PIGK: variants seen among roughly 807,000 people sequenced by gnomAD.
PIGK encodes phosphatidylinositol glycan anchor biosynthesis class K.
Under a neutral mutation model 50.6 loss-of-function variants are expected in PIGK, and 42 were observed. That is an observed-to-expected ratio of 0.83 (90% CI 0.65 to 1.07). The LOEUF is 1.07. PIGK is among the 50% of genes least tolerant of loss of function. PIGK has a pLI of 0.00. For missense variants in PIGK, 448 were observed against 488.7 expected (o/e 0.92, Z 0.78); for synonymous variants, 151 against 156.0 (o/e 0.97, Z 0.24).
intron 3 of PIGK, among the ~76,000 whole-genome samples, chr1:77,183,113 TG>T (rs1410371487): frequency 6.6e-6 from 1 of 152,174 alleles, no homozygotes; most frequent in Non-Finnish European, 1.5e-5. Flanking sequence ...GTGGCTGACC[TG>T]TAATGAAAAA....
At chr1:77,123,495 C>T (rs1339806471) in intron 9 of PIGK, among the ~76,000 whole-genome samples, 2 of 151,910 alleles carry the variant, frequency 1.3e-5, no homozygotes, top group Non-Finnish European at 2.9e-5. Flanking sequence ...TTGTGGATAT[C>T]TTGCAGAATT....
intron 9 of PIGK, among the ~76,000 whole-genome samples, chr1:77,132,725 T>G (rs1024422131): frequency 6.6e-6 from 1 of 152,070 alleles, no homozygotes; most frequent in Admixed American, 6.6e-5. Flanking sequence ...TAGTTTTATT[T>G]TATTTCAAGT....
At chr1:77,092,557 CAT>C in intron 10 of PIGK, 67 bp from the exon 11 acceptor site, 3 of 860,298 alleles carry the variant, frequency 3.5e-6, no homozygotes, top group Non-Finnish European at 5.7e-6. Context: ...ATAAAGCAAA[CAT>C]TGATGAAAAA....
At chr1:77,198,258 T>A (rs537584271) in intron 3 of PIGK, among the ~76,000 whole-genome samples, 4 of 152,198 alleles carry the variant, frequency 2.6e-5, no homozygotes, top group African/African-American at 9.6e-5. Flanking sequence ...TATAATATAA[T>A]CTCAATACCC....
chr1:77,119,687 A>C (rs1478426362), intron 10 of PIGK, among the ~76,000 whole-genome samples: 1 of 152,202 alleles, frequency 6.6e-6, no homozygotes, highest in Admixed American at 6.5e-5. Flanking sequence ...GAAATGACTG[A>C]TGCTCATTCC....
intron 3 of PIGK, among the ~76,000 whole-genome samples, chr1:77,193,188 A>G (rs1050942762): frequency 2.0e-5 from 3 of 152,020 alleles, no homozygotes; most frequent in Non-Finnish European, 4.4e-5. Context: ...AAGAGATATA[A>G]CATAACACAG....
At position 77,136,982 on chromosome 1, in the gene PIGK, C is replaced by G. The variant is rs189210617; in HGVS notation, c.987-14623G>C. Reference sequence around the variant, plus strand: ...TTACTCTTTCCTGTATCTATTCATACCTTTTTGAGATACAACTTTGTAGCT... The same window carrying G: ...TTACTCTTTCCTGTATCTATTCATAGCTTTTTGAGATACAACTTTGTAGCT... On this transcript the variant is annotated intron_variant, in intron 9 of 10. Coordinates refer to ENST00000370812, the MANE Select transcript of PIGK (RefSeq NM_005482.3). 6.6e-5 allele frequency among the ~76,000 whole-genome samples: 10 copies of G among 152,302 alleles called. No homozygotes were observed. The East Asian group carries it at 1.9e-3, about 29-fold the overall frequency.
chr1:77,125,565 CTA>C (rs1276271459), intron 9 of PIGK, among the ~76,000 whole-genome samples: 18 of 151,940 alleles, frequency 1.2e-4, no homozygotes, highest in African/African-American at 4.3e-4. Flanking sequence ...TAAATTGGTT[CTA>C]TGTTAATTAT....
chr1:77,125,509 T>C lies in PIGK; in HGVS notation c.987-3150A>G, dbSNP rs552358104. Among the ~76,000 whole-genome samples the C allele has an allele frequency of 3.3e-5, 5 of 152,310 alleles. No individual in the cohort carries two copies. In the East Asian group the frequency reaches 9.6e-4, roughly 29 times the overall value. Reference sequence around the variant, plus strand: ...ATTTTTATAATTTCTTAAAAACACATGTCCATTGCTTTCTTGCTTTATTTT... The same window carrying C: ...ATTTTTATAATTTCTTAAAAACACACGTCCATTGCTTTCTTGCTTTATTTT... On this transcript the variant is annotated intron_variant, in intron 9 of 10. Transcript: ENST00000370812.
intron 3 of PIGK, among the ~76,000 whole-genome samples, chr1:77,178,463 A>G (rs1398228469): frequency 6.6e-6 from 1 of 152,226 alleles, no homozygotes; most frequent in Non-Finnish European, 1.5e-5. Context: ...AGGTATGCTA[A>G]ATAACACAAT....
intron 3 of PIGK, among the ~76,000 whole-genome samples, chr1:77,202,569 T>C (rs1438380369): frequency 6.6e-6 from 1 of 152,144 alleles, no homozygotes; most frequent in East Asian, 1.9e-4. Flanking sequence ...CTGCAAAAAG[T>C]CTTCAGTACC....
chr1:77,153,628 TC>T (rs1163752430), intron 9 of PIGK: 3 of 145,632 alleles, frequency 2.1e-5, no homozygotes, highest in Non-Finnish European at 4.4e-5. Context: ...ATATTATACA[TC>T]AATTAAAAAA....
At chr1:77,184,330 G>A (rs778935540) in intron 3 of PIGK, among the ~76,000 whole-genome samples, 10 of 152,108 alleles carry the variant, frequency 6.6e-5, no homozygotes, top group Non-Finnish European at 1.5e-4. Flanking sequence ...GAGAATCATG[G>A]CCCCTCAATC....
chr1:77,111,264 C>A (rs919199938), intron 10 of PIGK, among the ~76,000 whole-genome samples: 2 of 152,106 alleles, frequency 1.3e-5, no homozygotes, highest in African/African-American at 2.4e-5. Context: ...CGGGTATATA[C>A]CCAAAGGATT....
chr1:77,119,038 C>A (rs1039811171), intron 10 of PIGK, among the ~76,000 whole-genome samples: 9 of 152,144 alleles, frequency 5.9e-5, no homozygotes, highest in Non-Finnish European at 1.3e-4. Context: ...ATCCTCTTGT[C>A]TATTCCTTTG....
At chr1:77,193,985 A>C (rs1335246907) in intron 3 of PIGK, among the ~76,000 whole-genome samples, 5 of 152,152 alleles carry the variant, frequency 3.3e-5, no homozygotes, top group African/African-American at 1.2e-4. Context: ...TAAAAAAATT[A>C]ATGAGTAAAA....
At chr1:77,204,588 C>T (rs1286685423) in intron 3 of PIGK, among the ~76,000 whole-genome samples, 4 of 152,112 alleles carry the variant, frequency 2.6e-5, no homozygotes, top group Non-Finnish European at 5.9e-5. Context: ...CAGGGGGAAT[C>T]ATAGAACCTG....
At position 77,121,577 on chromosome 1, in the gene PIGK, A is replaced by C. The variant is rs79857330; in HGVS notation, c.1071+698T>G. ...ACAATTCTGAGAAACTCTGCCATTT[A>C]AGGGCTTTAAATATTTACTATAATA... is the stretch of plus-strand genomic sequence containing the variant. On this transcript the variant is annotated intron_variant, in intron 10 of 10. Coordinates refer to ENST00000370812, the MANE Select transcript of PIGK (RefSeq NM_005482.3). 3.8e-3 allele frequency among the ~76,000 whole-genome samples: 572 copies of C among 152,300 alleles called. 5 individuals are homozygous for C. Among genetic ancestry groups the C allele is most frequent in the African/African-American group, 0.013 (542 of 41,570 alleles).
At chr1:77,150,436 G>A (rs558376529) in intron 9 of PIGK, among the ~76,000 whole-genome samples, 5 of 150,230 alleles carry the variant, frequency 3.3e-5, no homozygotes, top group South Asian at 2.1e-4. Context: ...CAAAAGGATC[G>A]CTTGAGCCCA....
Sources: gnomAD v4.1 joint callset for allele counts (sites outside exome capture counted in the v4.1 genomes callset) on GRCh38, gnomAD v4.1.1 for gene constraint, MANE v1.5 for transcripts, NCBI Gene and HGNC (gene_info 2026-07-23, HGNC 2026-07-21) for gene names.